Variants in APBB2 observed in about 807,000 individuals in gnomAD.
APBB2 encodes Fe65-like 1.
In APBB2, 38 loss-of-function variants were observed where a neutral mutation model predicts 82.5. That is an observed-to-expected ratio of 0.46 (90% CI 0.36 to 0.60). APBB2 has a LOEUF of 0.60. Ranked by LOEUF, APBB2 falls within the 20% of genes least tolerant of loss-of-function variation. APBB2 has a pLI of 0.00. For synonymous variants in APBB2, 341 were observed against 368.2 expected (o/e 0.93, Z 0.85); for missense variants, 772 against 972.3 (o/e 0.79, Z 2.74).
At chr4:41,009,357 C>T (rs1366903283) in intron 6 of APBB2, among the ~76,000 whole-genome samples, 2 of 152,072 alleles carry the variant, frequency 1.3e-5, no homozygotes, top group South Asian at 4.1e-4. Flanking sequence ...TTCACAGATG[C>T]TTTTCCTTTT....
rs763192901 is a variant in APBB2 at position 40,821,956 on chromosome 4, G to A, written c.2027C>T (p.Thr676Met). 6.8e-6 allele frequency: 11 copies of A among 1,614,140 alleles called. No individual in the cohort carries two copies. In the East Asian group the frequency reaches 8.9e-5, roughly 13 times the overall value. Residue 676 changes from threonine to methionine, a missense_variant, in exon 17 of 18, where the codon ACG becomes ATG. Coordinates refer to ENST00000508593, the MANE Select transcript of APBB2 (RefSeq NM_004307.2). The part of the protein sequence containing the change: ...DVHTFAFIMD[T>M]GNQRFECHVF... ...GTGGCACTCAAAGCGCTGGTTCCCC[G>A]TGTCCATGATGAAGGCAAATGTGTG...
chr4:40,848,601 C>T (rs1026558638), intron 12 of APBB2, among the ~76,000 whole-genome samples: 5 of 152,202 alleles, frequency 3.3e-5, no homozygotes, highest in Admixed American at 3.3e-4. Flanking sequence ...ACTGCTGGAG[C>T]TCGTGATGGT....
At chr4:41,136,412 T>C (rs1757574896) in intron 2 of APBB2, among the ~76,000 whole-genome samples, 1 of 152,256 alleles carries the variant, frequency 6.6e-6, no homozygotes, top group Non-Finnish European at 1.5e-5. Context: ...AGCTTACTTA[T>C]GGCTTTGACT....
At chr4:41,032,789 T>A (rs1036535162) in intron 5 of APBB2, among the ~76,000 whole-genome samples, 9 of 118,030 alleles carry the variant, frequency 7.6e-5, no homozygotes, top group Non-Finnish European at 1.4e-4. Context: ...TTTTTTTTTT[T>A]TTTTTTTTTT....
At chr4:40,835,786 G>A (rs1753719260) in intron 12 of APBB2, among the ~76,000 whole-genome samples, 1 of 152,178 alleles carries the variant, frequency 6.6e-6, no homozygotes, top group African/African-American at 2.4e-5. Context: ...TCCAGCGCAG[G>A]GGGATGAGCA....
chr4:41,088,958 A>G (rs1740796339), intron 3 of APBB2, among the ~76,000 whole-genome samples: 1 of 152,198 alleles, frequency 6.6e-6, no homozygotes, highest in Admixed American at 6.5e-5. Context: ...TCACCTCACC[A>G]TATGAAAATG....
intron 6 of APBB2, among the ~76,000 whole-genome samples, chr4:40,961,644 TAATGA>T (rs1793242095): frequency 2.7e-5 from 1 of 37,454 alleles, no homozygotes; most frequent in South Asian, 9.1e-4. Context: ...TAAAGTATAA[TAATGA>T]AAGAAAAAAA....
intron 3 of APBB2, among the ~76,000 whole-genome samples, chr4:41,099,483 G>A (rs919876315): frequency 2.0e-5 from 3 of 151,890 alleles, no homozygotes; most frequent in Admixed American, 6.6e-5. Flanking sequence ...CGTCCACCTC[G>A]GCCTCCCAAA....
At chr4:40,884,298 C>T (rs1769563336) in intron 12 of APBB2, among the ~76,000 whole-genome samples, 1 of 152,168 alleles carries the variant, frequency 6.6e-6, no homozygotes, top group Admixed American at 6.5e-5. Flanking sequence ...ACTAAAGCAC[C>T]TTTTAAATCT....
At chr4:41,153,883 T>G (rs1246297718) in intron 1 of APBB2, among the ~76,000 whole-genome samples, 2 of 152,204 alleles carry the variant, frequency 1.3e-5, no homozygotes, top group East Asian at 3.8e-4. Flanking sequence ...GCTCTATAAA[T>G]CTATCACTGC....
chr4:41,164,599 T>A (rs1766008994), intron 1 of APBB2, among the ~76,000 whole-genome samples: 1 of 152,030 alleles, frequency 6.6e-6, no homozygotes, highest in South Asian at 2.1e-4. Context: ...CTGTGATAAG[T>A]CCCTTTGAAA....
intron 1 of APBB2, among the ~76,000 whole-genome samples, chr4:41,201,469 T>C (rs1776679759): frequency 6.6e-6 from 1 of 152,156 alleles, no homozygotes; most frequent in South Asian, 2.1e-4. Flanking sequence ...TGGCTAAATA[T>C]CTTGATTACT....
At chr4:40,987,078 AAAATT>A (rs1423234798) in intron 6 of APBB2, among the ~76,000 whole-genome samples, 2 of 152,218 alleles carry the variant, frequency 1.3e-5, no homozygotes, top group Admixed American at 6.5e-5. Context: ...GTATAGGAGG[AAAATT>A]AAATTAGTGT....
At chr4:40,926,166 C>T (rs1457120771) in intron 10 of APBB2, among the ~76,000 whole-genome samples, 1 of 151,878 alleles carries the variant, frequency 6.6e-6, no homozygotes, top group African/African-American at 2.4e-5. Flanking sequence ...TTCTTTTTAT[C>T]ATGTTTCCAA....
At chr4:40,941,622 G>GT (rs1319936495) in intron 7 of APBB2, among the ~76,000 whole-genome samples, 2 of 152,160 alleles carry the variant, frequency 1.3e-5, no homozygotes, top group African/African-American at 4.8e-5. Context: ...ATTTTGGTGT[G>GT]TTTTTTGTTT....
intron 6 of APBB2, among the ~76,000 whole-genome samples, chr4:40,958,782 T>G (rs1792328849): frequency 6.6e-6 from 1 of 152,148 alleles, no homozygotes; most frequent in Non-Finnish European, 1.5e-5. Flanking sequence ...ATTTTTAAAT[T>G]TTTTGTAGAG....
At chr4:41,116,907 T>A (rs1468945879) in intron 2 of APBB2, among the ~76,000 whole-genome samples, 1 of 152,152 alleles carries the variant, frequency 6.6e-6, no homozygotes, top group South Asian at 2.1e-4. Flanking sequence ...TTGGGTGATT[T>A]TCTTTCCTCC....
At chr4:40,819,346 C>T (rs1242530308) in intron 17 of APBB2, among the ~76,000 whole-genome samples, 4 of 151,862 alleles carry the variant, frequency 2.6e-5, no homozygotes, top group East Asian at 1.9e-4. Context: ...CCACCACGCT[C>T]GGCTAATTTT....
chr4:40,914,583 C>T (rs1051244746), intron 10 of APBB2, among the ~76,000 whole-genome samples: 5 of 152,076 alleles, frequency 3.3e-5, no homozygotes, highest in Admixed American at 2.0e-4. Flanking sequence ...GATAGACAGA[C>T]AGACAGATAG....
Sources: gnomAD v4.1 joint callset for allele counts (sites outside exome capture counted in the v4.1 genomes callset) on GRCh38, gnomAD v4.1.1 for gene constraint, MANE v1.5 for transcripts, NCBI Gene and HGNC (gene_info 2026-07-23, HGNC 2026-07-21) for gene names.